DDR1: variants seen among roughly 807,000 people sequenced by gnomAD.
DDR1 encodes discoidin domain receptor tyrosine kinase 1.
A neutral mutation model predicts 97.4 loss-of-function variants in DDR1; 64 were observed. That is an observed-to-expected ratio of 0.66 (90% CI 0.54 to 0.81). The LOEUF (loss-of-function observed/expected upper bound fraction) is 0.81, where lower values mean the gene tolerates loss of function less well. Ranked by LOEUF, DDR1 falls within the 30% of genes least tolerant of loss-of-function variation. The pLI, the probability that DDR1 is intolerant of heterozygous loss-of-function variation, is 0.00. For synonymous variants in DDR1, 458 were observed against 503.7 expected, an observed-to-expected ratio of 0.91 and a Z score of 1.21; for missense variants, 990 against 1,259.6, an observed-to-expected ratio of 0.79 and a Z score of 3.24.
Position 30,896,758 on chromosome 6 carries a change from G to T in DDR1, c.1762G>T (p.Val588Leu). 6.3e-7 allele frequency: 1 copy of T among 1,589,448 alleles called. No individual in the cohort carries two copies. Among genetic ancestry groups the T allele is most frequent in the Non-Finnish European group, 8.6e-7 (1 of 1,166,530 alleles). ...CGTCACCGGGGGCAACACCTATGCTGTGCCTGCACTGCCCCCAGGGGCAGT... is the reference window on the plus strand; with the variant it reads ...CGTCACCGGGGGCAACACCTATGCTTTGCCTGCACTGCCCCCAGGGGCAGT... ...QGVTGGNTYA[V>L]PALPPGAVGD... Residue 588 changes from valine (V) to leucine (L), a missense_variant, in exon 13 of 18, where the codon GTG (valine) becomes TTG (leucine). Physicochemically the swap from Val to Leu is conservative, Grantham distance 32. Transcript: ENST00000376568.
At chr6:30,893,722 C>A (rs1185583072) in intron 10 of DDR1, among the ~76,000 whole-genome samples, 1 of 152,220 alleles carries the variant, frequency 6.6e-6, no homozygotes, top group Non-Finnish European at 1.5e-5. Flanking sequence ...CGTATCTACC[C>A]CTCAGGGAGG....
chr6:30,893,751 C>T (rs1213876457), intron 10 of DDR1, among the ~76,000 whole-genome samples: 2 of 152,198 alleles, frequency 1.3e-5, no homozygotes, highest in Admixed American at 6.5e-5. Flanking sequence ...GAATAGATGC[C>T]CTGACCTCAC....
chr6:30,888,018 C>T lies in DDR1; in HGVS notation c.-42-670C>T, dbSNP rs1449681673. 6.6e-6 allele frequency among the ~76,000 whole-genome samples: 1 copy of T among 152,168 alleles called. No individual in the cohort carries two copies. Among genetic ancestry groups the T allele is most frequent in the African/African-American group, 2.4e-5 (1 of 41,434 alleles). ...ATTGCTTTCCAAATAGAAGATAACACTCATTTCTGCCATTGAGCATGGTGC... is the reference window on the plus strand; with the variant it reads ...ATTGCTTTCCAAATAGAAGATAACATTCATTTCTGCCATTGAGCATGGTGC... On this transcript the variant is annotated intron_variant, in intron 1 of 17. Transcript: ENST00000376568. This position sits in a 1 kb window ranked among gnomAD's most constrained non-coding sequence, Gnocchi z 4.2.
In DDR1 at chr6:30,884,922, C is replaced by G; in HGVS notation, c.-43+212C>G. On this transcript the variant is annotated intron_variant, in intron 1 of 17. Coordinates refer to ENST00000376568, the MANE Select transcript of DDR1 (RefSeq NM_001297654.2). This position sits in a 1 kb window ranked among gnomAD's most constrained non-coding sequence, Gnocchi z 6.1. ...GCGGGGACTGGGTGGAGGTGAAGCC[C>G]GTGACCTCCCAGAAAGAGTTTTGAG... 2.4e-6 allele frequency: 1 copy of G among 423,544 alleles called. No homozygotes were observed. Among genetic ancestry groups the G allele is most frequent in the East Asian group, 3.4e-5 (1 of 29,690 alleles). The allele number at this position is 423,544 out of a possible 1,614,324, so 26.2% of individuals were successfully genotyped here. A position where few individuals can be genotyped will look rare whatever the true frequency, so the allele number is the denominator to read the frequency against.
chr6:30,895,950 C>G (rs913722218), intron 12 of DDR1, among the ~76,000 whole-genome samples: 1 of 152,154 alleles, frequency 6.6e-6, no homozygotes, highest in Non-Finnish European at 1.5e-5. Context: ...ATGCCCCAAC[C>G]CTTTCCATCT....
rs1792089158 is a variant in DDR1 at position 30,899,189 on chromosome 6, G to A, written c.2635G>A (p.Gly879Ser). Reference protein sequence around the residue: ...YLSRPPACPQGLYELMLRCWS... With the variant: ...YLSRPPACPQSLYELMLRCWS... ...GTCCCGGCCGCCTGCCTGCCCGCAG[G>A]GCCTATATGAGCTGATGCTTCGGTG... is the stretch of plus-strand genomic sequence containing the variant. Residue 879 changes from glycine to serine, a missense_variant, in exon 18 of 18, where the codon GGC (glycine) becomes AGC (serine). Coordinates refer to ENST00000376568, the MANE Select transcript of DDR1 (RefSeq NM_001297654.2). 10 of 1,614,218 alleles carry A rather than the reference G, an allele frequency of 6.2e-6. No homozygotes were observed. Among genetic ancestry groups the A allele is most frequent in the Non-Finnish European group, 6.8e-6 (8 of 1,180,034 alleles).
At chr6:30,896,579 T>G (rs1582094470) in intron 12 of DDR1, 42 bp from the exon 13 acceptor site, 1 of 1,590,180 alleles carries the variant, frequency 6.3e-7, no homozygotes, top group Non-Finnish European at 8.6e-7. Flanking sequence ...CTTGGGCTGT[T>G]CCTGATGCCT....
chr6:30,895,847 T>A (rs1286523539), intron 12 of DDR1, among the ~76,000 whole-genome samples: 1 of 152,082 alleles, frequency 6.6e-6, no homozygotes, highest in Non-Finnish European at 1.5e-5. Context: ...TTCTCCACTC[T>A]CTCTAGAGCT....
chr6:30,897,120 C>A lies in DDR1; in HGVS notation c.1976C>A (p.Pro659Gln). 1.2e-6 allele frequency: 2 copies of A among 1,613,862 alleles called. No homozygotes were observed. The highest frequency in any genetic ancestry group is 1.7e-6 in the Non-Finnish European group (2 of 1,179,966). Residue 659 changes from proline (P) to glutamine (Q), a missense_variant, in exon 14 of 18, where the codon CCA becomes CAA. Coordinates refer to ENST00000376568, the MANE Select transcript of DDR1 (RefSeq NM_001297654.2). This position sits in a 1 kb window ranked among gnomAD's most constrained non-coding sequence, Gnocchi z 5.2. Reference protein sequence around the residue: ...PLLVAVKILRPDATKNARNDF... With the variant: ...PLLVAVKILRQDATKNARNDF... ...CTGGTAGCTGTCAAGATCTTACGGC[C>A]AGATGCCACCAAGAATGCCAGGTGA...
chr6:30,886,294 A>G lies in DDR1; in HGVS notation c.-43+1584A>G, dbSNP rs1785820278. Among the ~76,000 whole-genome samples, 1 of 152,124 alleles carries G rather than the reference A, an allele frequency of 6.6e-6. No individual in the cohort carries two copies. The highest frequency in any genetic ancestry group is 1.5e-5 in the Non-Finnish European group (1 of 68,006). Reference sequence around the variant, plus strand: ...GGCATGAAGGTTACTTAGGGGAACAAGAGCCCCGCTGTTCCCGAGAGAGGT... The same window carrying G: ...GGCATGAAGGTTACTTAGGGGAACAGGAGCCCCGCTGTTCCCGAGAGAGGT... On this transcript the variant is annotated intron_variant, in intron 1 of 17. Coordinates refer to ENST00000376568, the MANE Select transcript of DDR1 (RefSeq NM_001297654.2). This position sits in a 1 kb window ranked among gnomAD's most constrained non-coding sequence, Gnocchi z 4.6.
chr6:30,898,949 T>C lies in DDR1; in HGVS notation c.2513T>C (p.Met838Thr). 6.2e-7 allele frequency: 1 copy of C among 1,614,090 alleles called. No homozygotes were observed. The highest frequency in any genetic ancestry group is 8.5e-7 in the Non-Finnish European group (1 of 1,179,976). ...AFGVTLWEVL[M>T]LCRAQPFGQL... Reference sequence around the variant, plus strand: ...GGTGTGACCCTGTGGGAGGTGCTGATGCTCTGTAGGGCCCAGCCCTTTGGG... The same window carrying C: ...GGTGTGACCCTGTGGGAGGTGCTGACGCTCTGTAGGGCCCAGCCCTTTGGG... The change falls in exon 17 of 18, where the codon ATG (methionine) becomes ACG (threonine). Residue 838 changes from methionine to threonine, a missense_variant. Coordinates refer to ENST00000376568, the MANE Select transcript of DDR1 (RefSeq NM_001297654.2).
rs1329339306 is a variant in DDR1 at position 30,894,640 on chromosome 6, C to T, written c.1482C>T (p.Pro494=). 1 of 1,609,662 alleles carries T rather than the reference C, an allele frequency of 6.2e-7. No individual in the cohort carries two copies. Among genetic ancestry groups the T allele is most frequent in the South Asian group, 1.1e-5 (1 of 90,344 alleles). Residue 494 remains proline, a synonymous_variant, in exon 11 of 18, where the codon CCC becomes CCT. Coordinates refer to ENST00000376568, the MANE Select transcript of DDR1 (RefSeq NM_001297654.2). This position sits in a 1 kb window ranked among gnomAD's most constrained non-coding sequence, Gnocchi z 5.7. ...YQEPRPRGNP[P]HSAPCVPNGS... is the part of the protein sequence containing the mutation. ...AGCCCCGGCCTCGTGGGAATCCGCCCCACTCCGCTCCCTGTGTCCCCAATG... is the reference window on the plus strand; with the variant it reads ...AGCCCCGGCCTCGTGGGAATCCGCCTCACTCCGCTCCCTGTGTCCCCAATG...
chr6:30,885,751 G>A, intron 1 of DDR1: 1 of 1,293,726 alleles, frequency 7.7e-7, no homozygotes, highest in Non-Finnish European at 1.0e-6. Context: ...AGGGTTGTCA[G>A]GGACACTGAG....
chr6:30,884,062 CGATCCCA>C (rs1257352775), upstream of DDR1: 2 of 152,710 alleles, frequency 1.3e-5, no homozygotes, highest in Non-Finnish European at 2.9e-5. The surrounding 1 kb of genome is among the most constrained non-coding windows in gnomAD (Gnocchi z 6.1). Context: ...CACCAGGAAC[CGATCCCA>C]GAAGTAGGAG....
At position 30,896,678 on chromosome 6, in the gene DDR1, C is replaced by G; in HGVS notation, c.1682C>G (p.Pro561Arg). Residue 561 changes from proline (P) to arginine (R), a missense_variant, in exon 13 of 18, where the codon CCT (proline) becomes CGT (arginine). Pro to Arg is a moderately radical substitution (Grantham distance 103). Transcript: ENST00000376568. ...EKPGAPLLPP[P>R]PQNSVPHYAE... ...CCAGGCGCCCCGCTTCTGCCCCCACCTCCCCAGAACAGCGTCCCCCATTAT... is the reference window on the plus strand; with the variant it reads ...CCAGGCGCCCCGCTTCTGCCCCCACGTCCCCAGAACAGCGTCCCCCATTAT... 1.2e-6 allele frequency: 2 copies of G among 1,612,778 alleles called. No homozygotes were observed. The highest frequency in any genetic ancestry group is 2.2e-5 in the South Asian group (2 of 90,896).
Position 30,894,664 on chromosome 6 carries a change from T to C in DDR1, c.1506T>C (p.Asn502=). 2 of 1,603,752 alleles carry C rather than the reference T, an allele frequency of 1.2e-6. No homozygotes were observed. The highest frequency in any genetic ancestry group is 2.2e-5 in the East Asian group (1 of 44,486). The stretch of plus-strand genomic sequence containing the variant: ...CCCACTCCGCTCCCTGTGTCCCCAA[T>C]GGCTCTGGTAAGACCTGCCTTGTTC... ...NPPHSAPCVP[N]GSALLLSNPA... is the part of the protein sequence containing the mutation. The change falls in exon 11 of 18, where the codon AAT becomes AAC. Residue 502 remains asparagine, a synonymous_variant. Coordinates refer to ENST00000376568, the MANE Select transcript of DDR1 (RefSeq NM_001297654.2). This position sits in a 1 kb window ranked among gnomAD's most constrained non-coding sequence, Gnocchi z 5.7.
chr6:30,891,528 T>TCTGTGC lies in DDR1; in HGVS notation c.665+49_665+50insCTGTGC, dbSNP rs1554256336. ...TGGAGTTTGGGGTGGGAGGGAGGAC[T>TCTGTGC]GTGTGTGTGTGTGTGTGTGTGTGTG... On this transcript the variant is annotated intron_variant, in intron 6 of 17. Transcript: ENST00000376568. This position sits in a 1 kb window ranked among gnomAD's most constrained non-coding sequence, Gnocchi z 5.3. 2.0e-6 allele frequency: 1 copy of TCTGTGC among 489,832 alleles called. No individual in the cohort carries two copies. The highest frequency in any genetic ancestry group is 6.3e-5 in the African/African-American group (1 of 15,750). The allele number at this position is 489,832 out of a possible 1,614,324, so 30.3% of individuals were successfully genotyped here.
rs1462391998 is a variant in DDR1 at position 30,894,963 on chromosome 6, T to G, written c.1513+292T>G. 6.6e-6 allele frequency among the ~76,000 whole-genome samples: 1 copy of G among 152,098 alleles called. No homozygotes were observed. The highest frequency in any genetic ancestry group is 1.5e-5 in the Non-Finnish European group (1 of 68,012). ...TCTCCCTGGCCCCTTTGCTTTGTAT[T>G]AGACTCACCATGTTTGTTCCTTCAT... On this transcript the variant is annotated intron_variant, in intron 11 of 17. Transcript: ENST00000376568. This position sits in a 1 kb window ranked among gnomAD's most constrained non-coding sequence, Gnocchi z 5.7.
At position 30,894,667 on chromosome 6, in the gene DDR1, C is replaced by T; in HGVS notation, c.1509C>T (p.Gly503=). The change falls in exon 11 of 18, where the codon GGC becomes GGT. Residue 503 remains glycine, a synonymous_variant. Transcript: ENST00000376568. This position sits in a 1 kb window ranked among gnomAD's most constrained non-coding sequence, Gnocchi z 5.7. ...ACTCCGCTCCCTGTGTCCCCAATGG[C>T]TCTGGTAAGACCTGCCTTGTTCCAG... ...PPHSAPCVPN[G]SALLLSNPAY... 1 of 1,602,196 alleles carries T rather than the reference C, an allele frequency of 6.2e-7. No individual in the cohort carries two copies. Among genetic ancestry groups the T allele is most frequent in the South Asian group, 1.1e-5 (1 of 89,266 alleles).
Sources: gnomAD v4.1 joint callset for allele counts (sites outside exome capture counted in the v4.1 genomes callset) on GRCh38, gnomAD v4.1.1 for gene constraint, Gnocchi (gnomAD v3.1) non-coding constraint, MANE v1.5 for transcripts, NCBI Gene and HGNC (gene_info 2026-07-23, HGNC 2026-07-21) for gene names.